Variants in SERPINA11 observed in about 807,000 individuals in gnomAD.
SERPINA11 encodes serpin family A member 11.
A neutral mutation model predicts 29.4 loss-of-function variants in SERPINA11; 28 were observed. That is an observed-to-expected ratio of 0.95 (90% CI 0.70 to 1.30). The LOEUF is 1.30. Ranked by LOEUF, SERPINA11 falls within the 50% of genes most tolerant of loss-of-function variation. The probability of loss-of-function intolerance (pLI) is 0.00; values close to 1 mark genes in which losing one functional copy is unlikely to be tolerated. For missense variants in SERPINA11, 530 were observed against 507.3 expected, an observed-to-expected ratio of 1.04 and a Z score of -0.43; for synonymous variants, 253 against 206.6, an observed-to-expected ratio of 1.22 and a Z score of -1.92.
In SERPINA11 at chr14:94,446,475, T is replaced by G; in HGVS notation, c.773A>C (p.Asp258Ala). 1 of 1,614,184 alleles carries G rather than the reference T, an allele frequency of 6.2e-7. No homozygotes were observed. Among genetic ancestry groups the G allele is most frequent in the South Asian group, 1.1e-5 (1 of 91,082 alleles). ...TATCTGGAGGACGGTGCAAGCCAAA[T>G]CCTGGTCATAGAGGAATCTGTGCAT... ...KEMHRFLYDQDLACTVLQIEY... is the reference protein window; with the variant it reads ...KEMHRFLYDQALACTVLQIEY... The change falls in exon 3 of 5, where the codon GAT (aspartate) becomes GCT (alanine). Residue 258 changes from aspartate (D) to alanine (A), a missense_variant. Asp to Ala is a moderately radical substitution (Grantham distance 126). Coordinates refer to ENST00000334708, the MANE Select transcript of SERPINA11 (RefSeq NM_001080451.2).
intron 3 of SERPINA11, among the ~76,000 whole-genome samples, chr14:94,445,080 C>G (rs1898410766): frequency 6.6e-6 from 1 of 152,186 alleles, no homozygotes; most frequent in African/African-American, 2.4e-5. Flanking sequence ...CTCATGGAGA[C>G]ACTACATGCA....
At position 94,450,591 on chromosome 14, in the gene SERPINA11, A is replaced by G. The variant is rs186922582; in HGVS notation, c.-3-1814T>C. ...TTGATCTTGGACTTCTAACCTCCAGAACTGTGAGTCAAAAATTTCTGTTGT... is the reference window on the plus strand; with the variant it reads ...TTGATCTTGGACTTCTAACCTCCAGGACTGTGAGTCAAAAATTTCTGTTGT... On this transcript the variant is annotated intron_variant, in intron 1 of 4. Coordinates refer to ENST00000334708, the MANE Select transcript of SERPINA11 (RefSeq NM_001080451.2). 1.0e-3 allele frequency among the ~76,000 whole-genome samples: 155 copies of G among 152,332 alleles called. 1 individual carries two copies. The highest frequency in any genetic ancestry group is 1.8e-3 in the Non-Finnish European group (124 of 68,020).
At chr14:94,449,510 T>TC (rs1898546215) in intron 1 of SERPINA11, among the ~76,000 whole-genome samples, 1 of 127,230 alleles carries the variant, frequency 7.9e-6, no homozygotes, top group Non-Finnish European at 1.5e-5. Flanking sequence ...TCTCTTTCTT[T>TC]TTCTTTCTTT....
chr14:94,447,208 G>C (rs978725015), intron 2 of SERPINA11, among the ~76,000 whole-genome samples: 1 of 152,206 alleles, frequency 6.6e-6, no homozygotes, highest in South Asian at 2.1e-4. Context: ...AGCCCATTAA[G>C]ATGTAGTTAG....
intron 2 of SERPINA11, 68 bp from the exon 3 acceptor site, chr14:94,446,672 C>G (rs1898446070): frequency 1.4e-6 from 2 of 1,465,996 alleles, no homozygotes; most frequent in African/African-American, 1.4e-5. Flanking sequence ...TAGACACACA[C>G]AAAACCACAG....
chr14:94,448,406 G>T lies in SERPINA11; in HGVS notation c.369C>A (p.Leu123=). ...ADIHQGFRSL[L]HTLALPSPKL... ...TGGGGCTGGGCAGGGCAAGGGTGTG[G>T]AGGAGGCTCCGGAAGCCCTGGTGGA... The change falls in exon 2 of 5, where the codon CTC becomes CTA. Residue 123 remains leucine (L), a synonymous_variant. Transcript: ENST00000334708. 1 of 1,614,192 alleles carries T rather than the reference G, an allele frequency of 6.2e-7. No individual in the cohort carries two copies. Among genetic ancestry groups the T allele is most frequent in the East Asian group, 2.2e-5 (1 of 44,874 alleles).
Position 94,448,497 on chromosome 14 carries a change from G to C in SERPINA11, c.278C>G (p.Ala93Gly). 3 of 1,614,206 alleles carry C rather than the reference G, an allele frequency of 1.9e-6. No homozygotes were observed. Among genetic ancestry groups the C allele is most frequent in the South Asian group, 2.2e-5 (2 of 91,084 alleles). The change falls in exon 2 of 5, where the codon GCT (alanine) becomes GGT (glycine). Residue 93 changes from alanine (A) to glycine (G), a missense_variant. By Grantham distance (60) the Ala-to-Gly change is moderately conservative (BLOSUM62 0). Coordinates refer to ENST00000334708, the MANE Select transcript of SERPINA11 (RefSeq NM_001080451.2). ...CTCCAGGATCAGAGCTGAGGTGTTA[G>C]CTTGGGCCCCAAGAGAGAGCAGGGC... ...TLALLSLGAQ[A>G]NTSALILEGL...
At chr14:94,445,322 T>A (rs1566783012) in intron 3 of SERPINA11, among the ~76,000 whole-genome samples, 1 of 152,190 alleles carries the variant, frequency 6.6e-6, no homozygotes, top group East Asian at 1.9e-4. Flanking sequence ...AAGTACCAGA[T>A]TTCATCTCAG....
rs747509719 is a variant in SERPINA11 at position 94,443,217 on chromosome 14, TC to T, written c.925del (p.Asp309IlefsTer30). 6.2e-7 allele frequency: 1 copy of T among 1,612,952 alleles called. No homozygotes were observed. Among genetic ancestry groups the T allele is most frequent in the Non-Finnish European group, 8.5e-7 (1 of 1,179,522 alleles). Reference sequence around the variant, plus strand: ...AATTGAAAACCTTGGCAAGTGCAAATCCAACAGACTGGAGAGAGAAACAGAC... The same window carrying T: ...AATTGAAAACCTTGGCAAGTGCAAATCAACAGACTGGAGAGAGAAACAGAC... ...WGQLLLPSLL[D>X]LHLPRFSISG... On this transcript the variant is annotated frameshift_variant, in exon 4 of 5. Transcript: ENST00000334708. LOFTEE classifies it high-confidence loss of function.
intron 2 of SERPINA11, among the ~76,000 whole-genome samples, chr14:94,446,940 C>T (rs1481678786): frequency 6.6e-6 from 1 of 152,150 alleles, no homozygotes; most frequent in Non-Finnish European, 1.5e-5. Flanking sequence ...AGTATTATTC[C>T]CATATCAGGG....
In SERPINA11 at chr14:94,448,547, C is replaced by T. The variant is rs147649377; in HGVS notation, c.228G>A (p.Ser76=). 2.9e-5 allele frequency: 47 copies of T among 1,613,930 alleles called. 1 individual carries two copies. The South Asian group carries it at 3.3e-4, about 11-fold the overall frequency. The change falls in exon 2 of 5, where the codon TCG becomes TCA. Residue 76 remains serine, a synonymous_variant. Transcript: ENST00000334708. ...CCAGGGTGGTGGAGATGCTCACTGGCGAGAAGAAGATGTTTCCGGGGGCGT... is the reference window on the plus strand; with the variant it reads ...CCAGGGTGGTGGAGATGCTCACTGGTGAGAAGAAGATGTTTCCGGGGGCGT... ...AADAPGNIFF[S]PVSISTTLAL... is the part of the protein sequence containing the mutation.
Position 94,442,502 on chromosome 14 carries a change from A to G in SERPINA11, c.*104T>C. On this transcript the variant is annotated 3_prime_UTR_variant, in exon 5 of 5. Transcript: ENST00000334708. ...AGGTCAACTTTATTAGAATCTTGGC[A>G]CACTGATTAACTGAACCACATAGCA... The G allele has an allele frequency of 1.3e-6, 1 of 773,166 alleles. No individual in the cohort carries two copies. Among genetic ancestry groups the G allele is most frequent in the African/African-American group, 1.8e-5 (1 of 57,010 alleles). 47.9% of individuals were successfully genotyped at this position (773,166 alleles called of 1,614,324 possible).
intron 1 of SERPINA11, among the ~76,000 whole-genome samples, chr14:94,451,750 G>T (rs1448505737): frequency 1.3e-5 from 2 of 152,164 alleles, no homozygotes; most frequent in Admixed American, 6.5e-5. Context: ...CCCACCTCCT[G>T]GGTGTGGGGC....
Position 94,442,828 on chromosome 14 carries a change from T to A in SERPINA11, c.1066-19A>T, listed in dbSNP as rs745731995. 1.9e-6 allele frequency: 3 copies of A among 1,577,942 alleles called. No homozygotes were observed. Among genetic ancestry groups the A allele is most frequent in the Non-Finnish European group, 2.6e-6 (3 of 1,161,228 alleles). On this transcript the variant is annotated intron_variant, in intron 4 of 4. Coordinates refer to ENST00000334708, the MANE Select transcript of SERPINA11 (RefSeq NM_001080451.2). The stretch of plus-strand genomic sequence containing the variant: ...GTGACACCTAGAGGACAAGAGGAGA[T>A]GAAGACAGCATCAGTTTGGGGGCCT...
At chr14:94,447,782 C>T (rs1442296644) in intron 2 of SERPINA11, among the ~76,000 whole-genome samples, 2 of 152,174 alleles carry the variant, frequency 1.3e-5, no homozygotes, top group Non-Finnish European at 2.9e-5. Context: ...AACCTGAACC[C>T]TCTTTGCCCC....
chr14:94,448,700 A>G lies in SERPINA11; in HGVS notation c.75T>C (p.His25=). Residue 25 remains histidine (H), a synonymous_variant, in exon 2 of 5, where the codon CAT becomes CAC. Transcript: ENST00000334708. ...ASVHCQPLLA[H]GDKSLQGPQP... is the part of the protein sequence containing the mutation. ...GAGGCCCCTGCAGACTTTTATCTCC[A>G]TGGGCAAGAAGGGGCTGACAGTGGA... 4 of 1,539,486 alleles carry G rather than the reference A, an allele frequency of 2.6e-6. No homozygotes were observed. Among genetic ancestry groups the G allele is most frequent in the African/African-American group, 1.4e-5 (1 of 72,406 alleles).
intron 4 of SERPINA11, 50 bp from the exon 5 acceptor site, chr14:94,442,859 G>C (rs1230536916): frequency 1.6e-5 from 24 of 1,467,606 alleles, no homozygotes; most frequent in Non-Finnish European, 2.1e-5. Context: ...GGCCTTCAAG[G>C]GGAAGACACT....
At chr14:94,447,764 T>C (rs980533976) in intron 2 of SERPINA11, among the ~76,000 whole-genome samples, 2 of 75,016 alleles carry the variant, frequency 2.7e-5, no homozygotes, top group African/African-American at 6.2e-5. Flanking sequence ...GATATGCTAG[T>C]TTTTTTCAAC....
intron 1 of SERPINA11, 121 bp downstream of exon 1, chr14:94,452,601 ACACACAC>A (rs1898607968): frequency 2.5e-5 from 1 of 39,736 alleles, no homozygotes; most frequent in Non-Finnish European, 4.7e-5. Context: ...AGCCAGGAAC[ACACACAC>A]ACACACACAC....
Sources: gnomAD v4.1 joint callset for allele counts (sites outside exome capture counted in the v4.1 genomes callset) on GRCh38, gnomAD v4.1.1 for gene constraint, MANE v1.5 for transcripts, NCBI Gene and HGNC (gene_info 2026-07-23, HGNC 2026-07-21) for gene names.